SAMD4A: variants seen among roughly 807,000 people sequenced by gnomAD.
SAMD4A encodes protein Smaug homolog 1.
SAMD4A carries 33 observed loss-of-function variants against 81.3 expected under a neutral mutation model. The observed-to-expected ratio is 0.41, with a 90% CI of 0.31 to 0.54. SAMD4A has a LOEUF of 0.54. Among genes scored for constraint, SAMD4A ranks in the 20% least tolerant of loss-of-function variants. SAMD4A has a pLI of 0.37. For missense variants in SAMD4A, 854 were observed against 951.1 expected, an observed-to-expected ratio of 0.90 and a Z score of 1.34; for synonymous variants, 389 against 382.1, an observed-to-expected ratio of 1.02 and a Z score of -0.21.
rs1201352684 is a variant in SAMD4A at position 54,784,595 on chromosome 14, C to A, written c.2103C>A (p.Leu701=). 6.2e-7 allele frequency: 1 copy of A among 1,614,040 alleles called. No individual in the cohort carries two copies. The highest frequency in any genetic ancestry group is 2.2e-5 in the East Asian group (1 of 44,898). Residue 701 remains leucine, a synonymous_variant, in exon 12 of 13, where the codon CTC becomes CTA. Coordinates refer to ENST00000554335, the MANE Select transcript of SAMD4A (RefSeq NM_015589.6). ...ACAACAGGCTGGAGTCGTTGTGCCTCAGTATGACCGAACACGCCCTGGGAG... is the reference window on the plus strand; with the variant it reads ...ACAACAGGCTGGAGTCGTTGTGCCTAAGTATGACCGAACACGCCCTGGGAG... ...DINNRLESLC[L]SMTEHALGDG...
intron 3 of SAMD4A, among the ~76,000 whole-genome samples, chr14:54,722,882 G>A (rs910575229): frequency 5.3e-5 from 8 of 152,136 alleles, no homozygotes; most frequent in Non-Finnish European, 7.4e-5. Flanking sequence ...CCCTCAGGAC[G>A]AACTCTATTG....
intron 2 of SAMD4A, among the ~76,000 whole-genome samples, chr14:54,695,953 GAAAAAAAAA>G (rs35817270): frequency 5.1e-5 from 4 of 78,294 alleles, no homozygotes; most frequent in Non-Finnish European, 7.2e-5. Context: ...CTCCATCTCA[GAAAAAAAAA>G]AAAAAAAAAA....
At chr14:54,705,225 C>A (rs777183332) in intron 3 of SAMD4A, among the ~76,000 whole-genome samples, 1 of 152,150 alleles carries the variant, frequency 6.6e-6, no homozygotes, top group African/African-American at 2.4e-5. Context: ...CGGTGAGGAG[C>A]TAAGTGTTAA....
chr14:54,777,268 G>A (rs939883580), intron 11 of SAMD4A, among the ~76,000 whole-genome samples: 1 of 152,156 alleles, frequency 6.6e-6, no homozygotes, highest in African/African-American at 2.4e-5. Flanking sequence ...AAATGCCCTG[G>A]ACAGTAGAAA....
intron 7 of SAMD4A, among the ~76,000 whole-genome samples, chr14:54,763,922 A>C (rs1216030273): frequency 1.3e-5 from 2 of 151,992 alleles, no homozygotes; most frequent in African/African-American, 4.8e-5. Context: ...CACTCTGAGA[A>C]AGCAACCCTC....
chr14:54,773,275 C>T (rs556173889), intron 9 of SAMD4A, among the ~76,000 whole-genome samples: 60 of 152,208 alleles, frequency 3.9e-4, no homozygotes, highest in Non-Finnish European at 8.7e-4. Context: ...CTCTCTTTCT[C>T]AGGAAATGAC....
In SAMD4A at chr14:54,690,818, T is replaced by C. The variant is rs377626122; in HGVS notation, c.197-11244T>C. ...TGCTGTCACTCCCAGCTCAGAACCA[T>C]TGTGGCTAGAAGTTAGCTTTGTCTT... is the stretch of plus-strand genomic sequence containing the variant. On this transcript the variant is annotated intron_variant, in intron 2 of 12. Transcript: ENST00000554335. Among the ~76,000 whole-genome samples the C allele has an allele frequency of 2.1e-4, 32 of 152,320 alleles. 1 individual carries two copies. Among genetic ancestry groups the C allele is most frequent in the African/African-American group, 3.1e-4 (13 of 41,584 alleles).
At position 54,740,615 on chromosome 14, in the gene SAMD4A, A is replaced by G. The variant is rs1031215871; in HGVS notation, c.979+3328A>G. Among the ~76,000 whole-genome samples, 4 of 152,340 alleles carry G rather than the reference A, an allele frequency of 2.6e-5. No individual in the cohort carries two copies. In the South Asian group the frequency reaches 8.3e-4, roughly 32 times the overall value. On this transcript the variant is annotated intron_variant, in intron 4 of 12. Coordinates refer to ENST00000554335, the MANE Select transcript of SAMD4A (RefSeq NM_015589.6). ...CTAGCTAGACTGGCCAGGTCTGGCT[A>G]CACATCCTCCGTTAGGAGTGTGCCT...
intron 9 of SAMD4A, among the ~76,000 whole-genome samples, chr14:54,774,469 C>T (rs1383282255): frequency 6.6e-6 from 1 of 151,962 alleles, no homozygotes; most frequent in East Asian, 1.9e-4. Flanking sequence ...TTTGAGAGGC[C>T]GAGGCAGGAG....
intron 2 of SAMD4A, among the ~76,000 whole-genome samples, chr14:54,609,756 G>A (rs578174572): frequency 6.6e-5 from 10 of 152,242 alleles, no homozygotes; most frequent in African/African-American, 1.9e-4. Flanking sequence ...CTTGACTGTC[G>A]AAAAAAGTAA....
At chr14:54,783,861 GC>G (rs2039065876) in intron 11 of SAMD4A, among the ~76,000 whole-genome samples, 1 of 152,232 alleles carries the variant, frequency 6.6e-6, no homozygotes, top group African/African-American at 2.4e-5. Context: ...GCCAGGCCCT[GC>G]TCTAGGCACA....
chr14:54,610,505 A>G (rs2034325639), intron 2 of SAMD4A, among the ~76,000 whole-genome samples: 1 of 152,126 alleles, frequency 6.6e-6, no homozygotes, highest in African/African-American at 2.4e-5. Context: ...TCTGAAAAGT[A>G]TTTTTTGGCA....
chr14:54,786,303 CAG>C (rs1431228865), intron 12 of SAMD4A, among the ~76,000 whole-genome samples: 1 of 152,116 alleles, frequency 6.6e-6, no homozygotes, highest in Non-Finnish European at 1.5e-5. Flanking sequence ...TCTACTGGGA[CAG>C]AAAGTAGATG....
intron 2 of SAMD4A, among the ~76,000 whole-genome samples, chr14:54,686,736 G>A (rs1214394587): frequency 1.3e-5 from 2 of 152,166 alleles, no homozygotes; most frequent in Non-Finnish European, 2.9e-5. Context: ...GTTATTACAG[G>A]TCATTGGGAG....
chr14:54,704,818 G>T (rs929854838), intron 3 of SAMD4A, among the ~76,000 whole-genome samples: 1 of 152,180 alleles, frequency 6.6e-6, no homozygotes, highest in African/African-American at 2.4e-5. Context: ...TTAAGAAAAT[G>T]CGAATGTCAT....
At chr14:54,606,183 CTG>C (rs57209362) in intron 2 of SAMD4A, among the ~76,000 whole-genome samples, 1,595 of 146,562 alleles carry the variant, frequency 0.011, 27 homozygotes, top group African/African-American at 0.034. Context: ...TACTTCTGGG[CTG>C]TGTGTGTGTG....
intron 2 of SAMD4A, among the ~76,000 whole-genome samples, chr14:54,622,121 G>A (rs2034632208): frequency 1.3e-5 from 2 of 152,144 alleles, no homozygotes; most frequent in Admixed American, 1.3e-4. Flanking sequence ...TTTGTGGTAG[G>A]GACACCAGGA....
At chr14:54,774,831 AAAAATG>A (rs1396341814) in intron 9 of SAMD4A, 97 bp from the exon 10 acceptor site, 2 of 1,042,712 alleles carry the variant, frequency 1.9e-6, no homozygotes, top group Non-Finnish European at 2.7e-6. Flanking sequence ...AAAAAAAAAA[AAAAATG>A]AGGAGACCTC....
chr14:54,648,328 G>A (rs1018297053), intron 2 of SAMD4A, among the ~76,000 whole-genome samples: 11 of 152,208 alleles, frequency 7.2e-5, no homozygotes, highest in Non-Finnish European at 2.9e-5. Flanking sequence ...CAGTGCTGGG[G>A]AACACGGGAG....
Sources: allele counts gnomAD v4.1 joint callset (sites outside exome capture counted in the v4.1 genomes callset), GRCh38; gene constraint gnomAD v4.1.1; transcripts MANE v1.5; gene names NCBI Gene and HGNC (gene_info 2026-07-23, HGNC 2026-07-21).